Variants in PFKFB4 observed in about 807,000 individuals in gnomAD.
The protein encoded by PFKFB4 is 6-phosphofructo-2-kinase/fructose-2,6-bisphosphatase 4.
A neutral mutation model predicts 62.8 loss-of-function variants in PFKFB4; 42 were observed. The observed-to-expected ratio is 0.67, with a 90% CI of 0.52 to 0.86. The LOEUF is 0.86. PFKFB4 is among the 40% of genes least tolerant of loss of function. The pLI is 0.00. For synonymous variants in PFKFB4, 204 were observed against 240.7 expected (o/e 0.85, Z 1.41); for missense variants, 475 against 627.2 (o/e 0.76, Z 2.59).
At chr3:48,532,029 G>A (rs1207371578) in intron 9 of PFKFB4, among the ~76,000 whole-genome samples, 5 of 152,210 alleles carry the variant, frequency 3.3e-5, no homozygotes, top group Admixed American at 6.5e-5. Context: ...AACAGAGGCC[G>A]GGTGCGGTGG....
chr3:48,562,434 A>G (rs1402044148), upstream of PFKFB4: 9 of 297,590 alleles, frequency 3.0e-5, no homozygotes, highest in East Asian at 2.5e-4. The surrounding 1 kb of genome is among the most constrained non-coding windows in gnomAD (Gnocchi z 4.3). Context: ...GCACCCAGAC[A>G]TAGCAAGACT....
rs1379042506 is a variant in PFKFB4, at chr3:48,518,474, T to G, written c.*1273A>C. The stretch of plus-strand genomic sequence containing the variant: ...GCACCCGATTACAAGTCCAGACACT[T>G]TCTGACCCAGCCCCACAACTTGCCA... On this transcript the variant is annotated 3_prime_UTR_variant, in exon 14 of 14. Coordinates refer to ENST00000232375, the MANE Select transcript of PFKFB4 (RefSeq NM_004567.4). 7 of 152,268 alleles carry G rather than the reference T, an allele frequency of 4.6e-5. No individual in the cohort carries two copies. The highest frequency in any genetic ancestry group is 3.9e-4 in the Admixed American group (6 of 15,284). The allele number at this position is 152,268 out of a possible 1,614,324, so 9.4% of individuals were successfully genotyped here.
chr3:48,550,154 T>C lies in PFKFB4; in HGVS notation c.178A>G (p.Thr60Ala), dbSNP rs536710659. ...RGKTYISKKLTRYLNWIGVPT... is the reference protein window; with the variant it reads ...RGKTYISKKLARYLNWIGVPT... The stretch of plus-strand genomic sequence containing the variant: ...ACACCAATCCAGTTCAGGTATCGAG[T>C]CAGCTTCTTGGAGATGTAGGTCTTG... Residue 60 changes from threonine to alanine, a missense_variant, in exon 2 of 14, where the codon ACT becomes GCT. Coordinates refer to ENST00000232375, the MANE Select transcript of PFKFB4 (RefSeq NM_004567.4). 1 of 1,613,930 alleles carries C rather than the reference T, an allele frequency of 6.2e-7. No homozygotes were observed. The highest frequency in any genetic ancestry group is 1.1e-5 in the South Asian group (1 of 91,070).
chr3:48,556,263 T>C lies in PFKFB4; in HGVS notation c.97+418A>G. Reference sequence around the variant, plus strand: ...GCTCAGAGAGGCCAAGTAATTCACCTAGGGCCACACAGCTCAGTTCCAGTC... The same window carrying C: ...GCTCAGAGAGGCCAAGTAATTCACCCAGGGCCACACAGCTCAGTTCCAGTC... On this transcript the variant is annotated intron_variant, in intron 1 of 13. Transcript: ENST00000232375. This position sits in a 1 kb window ranked among gnomAD's most constrained non-coding sequence, Gnocchi z 5.7. The C allele has an allele frequency of 2.1e-6, 1 of 477,646 alleles. No individual in the cohort carries two copies. Among genetic ancestry groups the C allele is most frequent in the African/African-American group, 2.0e-5 (1 of 51,100 alleles). 29.6% of individuals were successfully genotyped at this position (477,646 alleles called of 1,614,324 possible).
intron 9 of PFKFB4, among the ~76,000 whole-genome samples, chr3:48,533,410 AG>A (rs2107510391): frequency 6.6e-6 from 1 of 152,332 alleles, no homozygotes; most frequent in South Asian, 2.1e-4. Context: ...AAACAAAAGC[AG>A]GGGTGGTAAT....
chr3:48,540,159 T>G (rs1293887260), intron 4 of PFKFB4, among the ~76,000 whole-genome samples: 2 of 152,064 alleles, frequency 1.3e-5, no homozygotes, highest in Non-Finnish European at 2.9e-5. Flanking sequence ...TTATTTCTAC[T>G]CCATCCTGAC....
rs549531801 is a variant in PFKFB4, at chr3:48,532,061, C to T, written c.987+3451G>A. Among the ~76,000 whole-genome samples the T allele has an allele frequency of 1.5e-4, 23 of 152,304 alleles. 1 individual carries two copies. Among genetic ancestry groups the T allele is most frequent in the Non-Finnish European group, 2.9e-5 (2 of 68,024 alleles). ...GTGGCTCACGCCTGTAATCCCAGCACTCTGGGAGGCCGAGGCGGGTGGATT... is the reference window on the plus strand; with the variant it reads ...GTGGCTCACGCCTGTAATCCCAGCATTCTGGGAGGCCGAGGCGGGTGGATT... On this transcript the variant is annotated intron_variant, in intron 9 of 13. Coordinates refer to ENST00000232375, the MANE Select transcript of PFKFB4 (RefSeq NM_004567.4).
intron 3 of PFKFB4, among the ~76,000 whole-genome samples, chr3:48,545,237 T>C (rs557496690): frequency 6.6e-6 from 1 of 152,234 alleles, no homozygotes; most frequent in South Asian, 2.1e-4. Flanking sequence ...GTTCAAGCAA[T>C]TATCCTGCCT....
At chr3:48,539,938 C>T (rs2042749066) in intron 4 of PFKFB4, among the ~76,000 whole-genome samples, 167 bp from the exon 5 acceptor site, 1 of 152,196 alleles carries the variant, frequency 6.6e-6, no homozygotes, top group African/African-American at 2.4e-5. Flanking sequence ...CTCCTCCAGA[C>T]TTGCAACGGC....
intron 4 of PFKFB4, among the ~76,000 whole-genome samples, chr3:48,542,056 A>G (rs146354261): frequency 8.5e-5 from 13 of 152,320 alleles, no homozygotes; most frequent in African/African-American, 3.1e-4. Context: ...CAGAGAAAAT[A>G]AAGAGAAAGG....
intron 9 of PFKFB4, among the ~76,000 whole-genome samples, chr3:48,531,176 G>A (rs1185195650): frequency 6.6e-6 from 1 of 151,882 alleles, no homozygotes; most frequent in Non-Finnish European, 1.5e-5. Context: ...GACCACCCTG[G>A]GCAACACAGC....
upstream of PFKFB4, among the ~76,000 whole-genome samples, chr3:48,560,108 G>T (rs1412562023): frequency 6.6e-6 from 1 of 152,082 alleles, no homozygotes; most frequent in African/African-American, 2.4e-5. Flanking sequence ...ACCCTTTGCA[G>T]CATAAAGACC....
rs780325755 is a variant in PFKFB4 at position 48,556,783 on chromosome 3, G to T, written c.-6C>A. ...AATTCCCGTGGGGACGCCATCCCGG[G>T]GCCGGGATGAGTCGGACTGCGCCGC... On this transcript the variant is annotated 5_prime_UTR_variant, in exon 1 of 14. Transcript: ENST00000232375. This position sits in a 1 kb window ranked among gnomAD's most constrained non-coding sequence, Gnocchi z 5.7. 7.8e-5 allele frequency: 125 copies of T among 1,598,972 alleles called. No homozygotes were observed. The highest frequency in any genetic ancestry group is 1.0e-4 in the Non-Finnish European group (122 of 1,173,158).
chr3:48,557,495 ATTG>A (rs981360815), upstream of PFKFB4, among the ~76,000 whole-genome samples: 2 of 151,844 alleles, frequency 1.3e-5, no homozygotes, highest in African/African-American at 4.8e-5. Context: ...ACATTTCAAT[ATTG>A]TTCCTCTTTC....
At chr3:48,528,397 C>A (rs370737326) in intron 9 of PFKFB4, among the ~76,000 whole-genome samples, 1 of 152,316 alleles carries the variant, frequency 6.6e-6, no homozygotes, top group East Asian at 1.9e-4. Context: ...TGCGGTGGCT[C>A]ATGTCTGTAA....
At chr3:48,541,592 G>T (rs902055884) in intron 4 of PFKFB4, among the ~76,000 whole-genome samples, 15 of 152,156 alleles carry the variant, frequency 9.9e-5, no homozygotes, top group African/African-American at 3.1e-4. Context: ...TTTAAAAAGG[G>T]CATCCAGCCA....
At chr3:48,548,013 G>A (rs1458454676) in intron 3 of PFKFB4, 1 of 152,272 alleles carries the variant, frequency 6.6e-6, no homozygotes, top group Non-Finnish European at 1.5e-5. Context: ...GGCAGCCAGA[G>A]GGTATGCCTG....
intron 4 of PFKFB4, among the ~76,000 whole-genome samples, chr3:48,542,035 A>T (rs1320511184): frequency 6.6e-6 from 1 of 152,146 alleles, no homozygotes; most frequent in Non-Finnish European, 1.5e-5. Flanking sequence ...AAAACAAACA[A>T]CCAAAAAAAA....
intron 1 of PFKFB4, among the ~76,000 whole-genome samples, chr3:48,555,119 C>T (rs7631971): frequency 0.017 from 2,647 of 151,924 alleles, 68 homozygotes; most frequent in African/African-American, 0.06. Context: ...CAGCCACCCC[C>T]CTAAGTCAGG....
Sources: allele counts gnomAD v4.1 joint callset (sites outside exome capture counted in the v4.1 genomes callset), GRCh38; gene constraint gnomAD v4.1.1; non-coding constraint Gnocchi (gnomAD v3.1); transcripts MANE v1.5; gene names NCBI Gene and HGNC (gene_info 2026-07-23, HGNC 2026-07-21).